COL12A1: variants seen among roughly 807,000 people sequenced by gnomAD.
The protein encoded by COL12A1 is collagen alpha-1(XII) chain.
A neutral mutation model predicts 349.7 loss-of-function variants in COL12A1; 114 were observed. The ratio of observed to expected loss-of-function variants is 0.33; its 90% CI spans 0.28 to 0.38. COL12A1 has a LOEUF of 0.38. COL12A1 is among the 10% of genes least tolerant of loss of function. The pLI is 1.00. For synonymous variants in COL12A1, 1,369 were observed against 1,329.0 expected (o/e 1.03, Z -0.66); for missense variants, 3,284 against 3,756.9 (o/e 0.87, Z 3.29).
chr6:75,144,736 TG>T (rs1445594735), intron 25 of COL12A1, among the ~76,000 whole-genome samples: 6 of 152,240 alleles, frequency 3.9e-5, no homozygotes, highest in African/African-American at 1.4e-4. Flanking sequence ...TGGTCTATAC[TG>T]CTTTGTATAA....
At chr6:75,156,230 C>A in intron 15 of COL12A1, 27 bp downstream of exon 15, 1 of 1,610,100 alleles carries the variant, frequency 6.2e-7, no homozygotes. Context: ...CTTCTCTCCC[C>A]CTCAAAATAT....
At chr6:75,133,228 T>C in intron 34 of COL12A1, 65 bp downstream of exon 34, 2 of 1,421,462 alleles carry the variant, frequency 1.4e-6, no homozygotes, top group African/African-American at 2.9e-5. Flanking sequence ...AATGGGCCTT[T>C]ATGGTCTTTA....
At chr6:75,129,655 A>G (rs1766204197) in intron 37 of COL12A1, among the ~76,000 whole-genome samples, 1 of 152,208 alleles carries the variant, frequency 6.6e-6, no homozygotes, top group African/African-American at 2.4e-5. Context: ...AAGAAAAGAG[A>G]GATCAATTAA....
intron 3 of COL12A1, 46 bp downstream of exon 3, chr6:75,194,785 T>A: frequency 1.6e-6 from 2 of 1,227,252 alleles, no homozygotes; most frequent in African/African-American, 1.5e-5. Flanking sequence ...GATTGAGTTA[T>A]ATCATCATGA....
intron 60 of COL12A1, among the ~76,000 whole-genome samples, chr6:75,094,471 C>T (rs937719680): frequency 6.6e-6 from 1 of 152,076 alleles, no homozygotes; most frequent in Non-Finnish European, 1.5e-5. Flanking sequence ...ATTTTAGAAA[C>T]TTCAAATTCA....
intron 13 of COL12A1, among the ~76,000 whole-genome samples, chr6:75,174,618 A>C (rs1169765210): frequency 6.6e-6 from 1 of 152,224 alleles, no homozygotes; most frequent in Non-Finnish European, 1.5e-5. Context: ...AAATGGAAAG[A>C]GCACTTGAAT....
intron 2 of COL12A1, 133 bp downstream of exon 2, chr6:75,202,587 T>C (rs1770586715): frequency 1.2e-6 from 1 of 852,578 alleles, no homozygotes; most frequent in Admixed American, 2.6e-5. Flanking sequence ...GGCGTTTCTC[T>C]GAAGGAGAGA....
intron 60 of COL12A1, among the ~76,000 whole-genome samples, chr6:75,093,898 A>G (rs1024680825): frequency 1.3e-5 from 2 of 152,208 alleles, no homozygotes; most frequent in African/African-American, 2.4e-5. Context: ...CTTATATAAG[A>G]CACTACTGAG....
intron 11 of COL12A1, 107 bp downstream of exon 11, chr6:75,180,832 G>T: frequency 1.5e-6 from 2 of 1,291,780 alleles, no homozygotes; most frequent in Admixed American, 2.4e-5. Context: ...TCTTACAAAG[G>T]CATTGGCAAT....
chr6:75,098,385 G>A (rs6906046), intron 58 of COL12A1, among the ~76,000 whole-genome samples: 5,867 of 152,270 alleles, frequency 0.039, 382 homozygotes, highest in African/African-American at 0.13. Context: ...TGGATGCAAT[G>A]GCTCATGCCT....
At position 75,147,712 on chromosome 6, in the gene COL12A1, A is replaced by G. The variant is rs776494732; in HGVS notation, c.4380T>C (p.Asp1460=). The part of the protein sequence containing the change: ...YVVNVYSVVE[D]EYSEPLKGTE... ...TCCCCTTCAGAGGCTCACTATATTC[A>G]TCTTCTACCACAGAATACACATTGA... The change falls in exon 23 of 66, where the codon GAT becomes GAC. Residue 1460 remains aspartate, a synonymous_variant. Transcript: ENST00000322507. The G allele has an allele frequency of 1.9e-6, 3 of 1,613,086 alleles. No individual in the cohort carries two copies. The South Asian group carries it at 3.3e-5, about 18-fold the overall frequency.
At chr6:75,134,983 T>A in intron 31 of COL12A1, 128 bp from the exon 32 acceptor site, 1 of 931,386 alleles carries the variant, frequency 1.1e-6, no homozygotes, top group South Asian at 2.7e-5. Context: ...CATACCACAG[T>A]CAAGGTTTAA....
intron 15 of COL12A1, 54 bp downstream of exon 15, chr6:75,156,202 CA>C: frequency 6.3e-7 from 1 of 1,587,372 alleles, no homozygotes; most frequent in Non-Finnish European, 8.6e-7. Flanking sequence ...ATACCAAAGT[CA>C]TCTTTTAAAA....
At chr6:75,200,637 C>G (rs1263592676) in intron 2 of COL12A1, among the ~76,000 whole-genome samples, 3 of 152,066 alleles carry the variant, frequency 2.0e-5, no homozygotes, top group African/African-American at 7.2e-5. Context: ...ACCCAATTGT[C>G]AAAGACTTAG....
At position 75,092,199 on chromosome 6, in the gene COL12A1, G is replaced by A. The variant is rs148583609; in HGVS notation, c.8650-674C>T. 8.4e-4 allele frequency among the ~76,000 whole-genome samples: 128 copies of A among 152,156 alleles called. 1 individual carries two copies. Among genetic ancestry groups the A allele is most frequent in the African/African-American group, 2.6e-3 (109 of 41,488 alleles). ...AAACATCACACAGGCCTGTTGGGGG[G>A]TCAGGGGCTAGGGGAGGGATAACAT... On this transcript the variant is annotated intron_variant, in intron 60 of 65. Coordinates refer to ENST00000322507, the MANE Select transcript of COL12A1 (RefSeq NM_004370.6).
intron 63 of COL12A1, among the ~76,000 whole-genome samples, 180 bp downstream of exon 63, chr6:75,089,930 T>A (rs1389117685): frequency 1.3e-5 from 2 of 152,182 alleles, no homozygotes; most frequent in Non-Finnish European, 2.9e-5. Flanking sequence ...AAACATACCA[T>A]TTTTCTAAGA....
intron 17 of COL12A1, 133 bp downstream of exon 17, chr6:75,154,283 G>T: frequency 2.8e-6 from 3 of 1,071,670 alleles, no homozygotes; most frequent in Non-Finnish European, 3.8e-6. Flanking sequence ...TTTTTGCTAA[G>T]TATGTAAATT....
chr6:75,149,885 C>A (rs1000097849), intron 21 of COL12A1, among the ~76,000 whole-genome samples: 1 of 152,108 alleles, frequency 6.6e-6, no homozygotes, highest in Non-Finnish European at 1.5e-5. Flanking sequence ...ACTCAAAGTT[C>A]TCTCCAATGG....
rs2149475605 is a variant in COL12A1 at position 75,189,587 on chromosome 6, T to C, written c.623A>G (p.Lys208Arg). The change falls in exon 6 of 66, where the codon AAA becomes AGA. Residue 208 changes from lysine to arginine, a missense_variant. This residue lies in a region of COL12A1 where 2,601 missense variants were observed against 2,824.8 expected (regional missense o/e 0.92). Coordinates refer to ENST00000322507, the MANE Select transcript of COL12A1 (RefSeq NM_004370.6). ...GTTGCCACCTTTATATGGAATTTTT[T>C]TTATTGCAGCAAGAAGTTCATCCCT... Reference protein sequence around the residue: ...YQRDELLAAIKKIPYKGGNTM... With the variant: ...YQRDELLAAIRKIPYKGGNTM... The C allele has an allele frequency of 4.3e-6, 7 of 1,613,146 alleles. No homozygotes were observed. The highest frequency in any genetic ancestry group is 5.9e-6 in the Non-Finnish European group (7 of 1,179,450).
Sources: gnomAD v4.1 joint callset for allele counts (sites outside exome capture counted in the v4.1 genomes callset) on GRCh38, gnomAD v4.1.1 for gene constraint, gnomAD v4.1.1 regional missense constraint, MANE v1.5 for transcripts, NCBI Gene and HGNC (gene_info 2026-07-23, HGNC 2026-07-21) for gene names.